FCGR2B: variants seen among roughly 807,000 people sequenced by gnomAD.
The protein encoded by FCGR2B is Fc gamma receptor IIb.
In FCGR2B, 18 loss-of-function variants were observed where a neutral mutation model predicts 24.8. That is an observed-to-expected ratio of 0.73 (90% CI 0.50 to 1.08). FCGR2B has a LOEUF of 1.08. Ranked by LOEUF, FCGR2B falls within the 50% of genes least tolerant of loss-of-function variation. The pLI is 0.00. For synonymous variants in FCGR2B, 79 were observed against 109.8 expected (o/e 0.72, Z 1.75); for missense variants, 215 against 297.6 (o/e 0.72, Z 2.04).
At chr1:161,673,628 T>C (rs1681888617) in intron 4 of FCGR2B, 1 of 595,920 alleles carries the variant, frequency 1.7e-6, no homozygotes, top group Admixed American at 2.4e-5. Context: ...CGTTCAAGGC[T>C]GTGCTCCATA....
At chr1:161,656,147 G>A in the FCGR2B span, among the ~76,000 whole-genome samples, 4 of 134,334 alleles carry the variant, frequency 3.0e-5, no homozygotes, top group Non-Finnish European at 3.4e-5. Context: ...ATCAGGCGTC[G>A]TGCCCAGCCT....
At chr1:161,647,459 C>G in the FCGR2B span, among the ~76,000 whole-genome samples, 1 of 150,494 alleles carries the variant, frequency 6.6e-6, no homozygotes, top group African/African-American at 2.5e-5. Context: ...CACCAGCATG[C>G]CCGTCTAATT....
the FCGR2B span, among the ~76,000 whole-genome samples, chr1:161,653,259 T>C: frequency 7.6e-6 from 1 of 132,098 alleles, no homozygotes; most frequent in East Asian, 2.0e-4. Flanking sequence ...CAAAATTAGC[T>C]GGGCATGGTG....
chr1:161,669,439 C>T (rs60081850), intron 1 of FCGR2B, among the ~76,000 whole-genome samples: 22,845 of 136,754 alleles, frequency 0.17, 3,528 homozygotes, highest in African/African-American at 0.26. Context: ...GGTGTGGTGG[C>T]GCGGGCCTGT....
chr1:161,672,976 G>T lies in FCGR2B; in HGVS notation c.393G>T (p.Glu131Asp). The T allele has an allele frequency of 6.2e-7, 1 of 1,613,652 alleles. No individual in the cohort carries two copies. Among genetic ancestry groups the T allele is most frequent in the Non-Finnish European group, 8.5e-7 (1 of 1,179,796 alleles). Residue 131 changes from glutamate (E) to aspartate (D), a missense_variant and splice_region_variant, in exon 4 of 8, where the codon GAG (glutamate) becomes GAT (aspartate). This residue lies in a region of FCGR2B where 39 missense variants were observed against 73.3 expected (regional missense o/e 0.53). Transcript: ENST00000358671. Reference sequence around the variant, plus strand: ...TCTGCGGTTTTTTGTGTCTTTCAGAGTGGCTGGTGCTCCAGACCCCTCACC... The same window carrying T: ...TCTGCGGTTTTTTGTGTCTTTCAGATTGGCTGGTGCTCCAGACCCCTCACC... ...SDPVHLTVLS[E>D]WLVLQTPHLE...
At chr1:161,654,039 A>G in the FCGR2B span, among the ~76,000 whole-genome samples, 1 of 133,686 alleles carries the variant, frequency 7.5e-6, no homozygotes, top group Non-Finnish European at 1.7e-5. Flanking sequence ...CCCATGAAAA[A>G]CCTTAGTCTC....
Position 161,677,955 on chromosome 1 carries a change from A to T in FCGR2B, c.*402A>T, listed in dbSNP as rs1226281436. The T allele has an allele frequency of 4.3e-6, 1 of 234,970 alleles. No individual in the cohort carries two copies. The highest frequency in any genetic ancestry group is 8.3e-6 in the Non-Finnish European group (1 of 120,022). 14.6% of individuals were successfully genotyped at this position (234,970 alleles called of 1,614,324 possible). A position where few individuals can be genotyped will look rare whatever the true frequency, so the allele number is the denominator to read the frequency against. The stretch of plus-strand genomic sequence containing the variant: ...GACTAACCTCTACCAGCACATTAAA[A>T]GTGATTGTTTCTGGGTGATAAAATT... On this transcript the variant is annotated 3_prime_UTR_variant, in exon 8 of 8. Coordinates refer to ENST00000358671, the MANE Select transcript of FCGR2B (RefSeq NM_001394477.1).
intron 3 of FCGR2B, 172 bp from the exon 4 acceptor site, chr1:161,672,803 A>C: frequency 1.8e-6 from 2 of 1,093,660 alleles, no homozygotes; most frequent in Non-Finnish European, 2.6e-6. Flanking sequence ...GAAGACTTAA[A>C]TTATTTGCCC....
At chr1:161,677,001 C>G (rs868754091) in intron 6 of FCGR2B, 1 of 420,452 alleles carries the variant, frequency 2.4e-6, no homozygotes, top group Non-Finnish European at 4.2e-6. Context: ...CTGAACACCC[C>G]CCTCCCCCAC....
chr1:161,670,921 C>T (rs1681589306), intron 2 of FCGR2B, among the ~76,000 whole-genome samples: 1 of 149,898 alleles, frequency 6.7e-6, no homozygotes, highest in African/African-American at 2.4e-5. Flanking sequence ...TGATATCCAA[C>T]TCCCATGCCT....
At chr1:161,675,885 T>G (rs1682082610) in intron 6 of FCGR2B, 1 of 233,200 alleles carries the variant, frequency 4.3e-6, no homozygotes. Flanking sequence ...AAAACTCAGT[T>G]CTGATGCCCA....
the FCGR2B span, among the ~76,000 whole-genome samples, chr1:161,654,148 G>A: frequency 7.6e-6 from 1 of 131,570 alleles, no homozygotes; most frequent in Non-Finnish European, 1.8e-5. Context: ...AATAGCCGCT[G>A]TTCTTATTGA....
At chr1:161,671,114 G>A (rs1182591912) in intron 2 of FCGR2B, among the ~76,000 whole-genome samples, 1 of 152,178 alleles carries the variant, frequency 6.6e-6, no homozygotes, top group East Asian at 1.9e-4. Context: ...AAGAACTGGT[G>A]AGGATATCTC....
At chr1:161,653,202 G>A in the FCGR2B span, among the ~76,000 whole-genome samples, 5 of 133,352 alleles carry the variant, frequency 3.7e-5, no homozygotes, top group Non-Finnish European at 6.8e-5. Flanking sequence ...TCAGAAGTTC[G>A]AGACCAGCCT....
chr1:161,672,958 T>C lies in FCGR2B; in HGVS notation c.392-17T>C. On this transcript the variant is annotated splice_polypyrimidine_tract_variant and intron_variant, in intron 3 of 7. Transcript: ENST00000358671. ...CCAAGACCTCCCGGGTCCTCTGCGGTTTTTTGTGTCTTTCAGAGTGGCTGG... is the reference window on the plus strand; with the variant it reads ...CCAAGACCTCCCGGGTCCTCTGCGGCTTTTTGTGTCTTTCAGAGTGGCTGG... The C allele has an allele frequency of 1.9e-6, 3 of 1,613,664 alleles. No homozygotes were observed. Among genetic ancestry groups the C allele is most frequent in the Non-Finnish European group, 2.5e-6 (3 of 1,179,782 alleles).
At chr1:161,650,587 T>C in the FCGR2B span, among the ~76,000 whole-genome samples, 5 of 146,360 alleles carry the variant, frequency 3.4e-5, no homozygotes, top group South Asian at 2.2e-4. Flanking sequence ...CCAGTTGTAA[T>C]AGCCAAAAGT....
chr1:161,677,293 A>T, intron 6 of FCGR2B, 35 bp from the exon 7 acceptor site: 1 of 1,609,728 alleles, frequency 6.2e-7, no homozygotes, highest in Non-Finnish European at 8.5e-7. Context: ...CTTCTCCAGC[A>T]GTGCTCTGGC....
the FCGR2B span, among the ~76,000 whole-genome samples, chr1:161,655,473 AT>A: frequency 1.5e-5 from 1 of 67,486 alleles, no homozygotes; most frequent in African/African-American, 5.1e-5. Flanking sequence ...TTCTGACCAT[AT>A]TCTCAGCTGT....
chr1:161,648,834 C>T, the FCGR2B span, among the ~76,000 whole-genome samples: 1 of 150,764 alleles, frequency 6.6e-6, no homozygotes, highest in Admixed American at 6.7e-5. Context: ...GGACTACAGG[C>T]ACACACCAGC....
Sources: allele counts gnomAD v4.1 joint callset (sites outside exome capture counted in the v4.1 genomes callset), GRCh38; gene constraint gnomAD v4.1.1; regional missense constraint gnomAD v4.1.1; transcripts MANE v1.5; gene names NCBI Gene and HGNC (gene_info 2026-07-23, HGNC 2026-07-21).